Variants in PIWIL2 observed in about 807,000 individuals in gnomAD.
PIWIL2 encodes piwi like RNA-mediated gene silencing 2, also known as piwi-like protein 2.
PIWIL2 carries 81 observed loss-of-function variants against 116.5 expected under a neutral mutation model. The ratio of observed to expected loss-of-function variants is 0.70; its 90% confidence interval spans 0.58 to 0.84. The LOEUF (loss-of-function observed/expected upper bound fraction) is 0.84, where lower values mean the gene tolerates loss of function less well. Ranked by LOEUF, PIWIL2 falls within the 40% of genes least tolerant of loss-of-function variation. The pLI is 0.00. For missense variants in PIWIL2, 1,272 were observed against 1,212.3 expected (o/e 1.05, Z -0.73); for synonymous variants, 489 against 429.5 (o/e 1.14, Z -1.71).
Position 22,354,366 on chromosome 8 carries a change from A to T in PIWIL2, c.2753A>T (p.Asp918Val), listed in dbSNP as rs1832443269. The change falls in exon 22 of 23, where the codon GAT (aspartate) becomes GTT (valine). Residue 918 changes from aspartate to valine, a missense_variant. Asp to Val is a radical substitution (Grantham distance 152). Coordinates refer to ENST00000356766, the MANE Select transcript of PIWIL2 (RefSeq NM_018068.5). ...CVLNTANLSP[D>V]HMQRLTFKLC... ...CTCAACACCGCAAACCTGAGCCCTG[A>T]TCATATGCAGAGGTGGGCCCATCAG... The T allele has an allele frequency of 6.2e-7, 1 of 1,607,412 alleles. No individual in the cohort carries two copies. The highest frequency in any genetic ancestry group is 8.5e-7 in the Non-Finnish European group (1 of 1,174,006).
At chr8:22,355,294 G>T in intron 22 of PIWIL2, 55 bp from the exon 23 acceptor site, 4 of 1,577,918 alleles carry the variant, frequency 2.5e-6, no homozygotes, top group Non-Finnish European at 2.6e-6. Flanking sequence ...TGTATTGCAT[G>T]CCACAAATTG....
chr8:22,287,986 T>C (rs1830667997), intron 7 of PIWIL2, among the ~76,000 whole-genome samples: 1 of 152,070 alleles, frequency 6.6e-6, no homozygotes, highest in African/African-American at 2.4e-5. Context: ...GTGACCTCAG[T>C]GATAAAGAGT....
chr8:22,286,545 CT>C (rs947246644), intron 6 of PIWIL2, among the ~76,000 whole-genome samples: 1 of 152,134 alleles, frequency 6.6e-6, no homozygotes, highest in African/African-American at 2.4e-5. Flanking sequence ...AATCCCAGCA[CT>C]TAGGGAGGCC....
chr8:22,306,131 C>G (rs1216822438), intron 13 of PIWIL2, 115 bp downstream of exon 13: 1 of 708,404 alleles, frequency 1.4e-6, no homozygotes, highest in Non-Finnish European at 2.5e-6. Flanking sequence ...TGCATTGTAA[C>G]CTGGGCCTGT....
At chr8:22,297,479 A>AT (rs892474028) in intron 10 of PIWIL2, among the ~76,000 whole-genome samples, 9 of 151,098 alleles carry the variant, frequency 6.0e-5, no homozygotes, top group South Asian at 2.1e-4. Context: ...TATCTTTTTA[A>AT]TTTTTTTTTA....
At chr8:22,304,739 T>C (rs759257980) in intron 11 of PIWIL2, 45 bp from the exon 12 acceptor site, 13 of 1,090,142 alleles carry the variant, frequency 1.2e-5, no homozygotes, top group African/African-American at 6.2e-5. Flanking sequence ...TCTAAGAGTA[T>C]TGATGCTGCT....
chr8:22,296,012 C>T (rs914473584), intron 10 of PIWIL2, among the ~76,000 whole-genome samples: 17 of 136,630 alleles, frequency 1.2e-4, no homozygotes, highest in African/African-American at 3.8e-4. Flanking sequence ...TGGGGTTCCT[C>T]TTCCCTTCTT....
chr8:22,292,113 A>G (rs1830780972), intron 10 of PIWIL2, among the ~76,000 whole-genome samples: 1 of 152,204 alleles, frequency 6.6e-6, no homozygotes, highest in African/African-American at 2.4e-5. Context: ...GTGCAGGCAC[A>G]TGCAGGGTGG....
intron 20 of PIWIL2, among the ~76,000 whole-genome samples, chr8:22,319,328 A>G (rs1289454738): frequency 6.6e-6 from 1 of 152,140 alleles, no homozygotes; most frequent in African/African-American, 2.4e-5. Flanking sequence ...TGTCTCCAGC[A>G]AGGTCCATAT....
intron 10 of PIWIL2, among the ~76,000 whole-genome samples, chr8:22,297,017 C>G (rs948509826): frequency 3.3e-5 from 5 of 151,084 alleles, no homozygotes; most frequent in Non-Finnish European, 5.9e-5. Context: ...TTGATGGAAT[C>G]TCACTTGGTT....
chr8:22,310,158 CT>C (rs753907951), intron 15 of PIWIL2, 84 bp downstream of exon 15: 45 of 722,494 alleles, frequency 6.2e-5, no homozygotes, highest in Non-Finnish European at 1.0e-4. Context: ...CTAGAGTCTT[CT>C]TTTTTGAGGG....
chr8:22,337,830 C>T (rs144486732), intron 20 of PIWIL2, among the ~76,000 whole-genome samples: 104 of 152,214 alleles, frequency 6.8e-4, no homozygotes, highest in Middle Eastern at 6.8e-3. Context: ...CGCAGTGACT[C>T]GCACCTGTAA....
intron 20 of PIWIL2, among the ~76,000 whole-genome samples, chr8:22,334,514 C>A (rs1374185633): frequency 6.6e-5 from 7 of 105,884 alleles, no homozygotes; most frequent in Non-Finnish European, 1.1e-4. Context: ...AGTGAGAGTC[C>A]GTCTCAAAAA....
Position 22,301,106 on chromosome 8 carries a change from A to ATGCCT in PIWIL2, c.1182-2915_1182-2914insTGCCT, listed in dbSNP as rs1831036788. ...GCAGTCCTCTCACCTCACCCTCCTG[A>ATGCCT]GTAGCTGTGACTACAGGCATGCACC... On this transcript the variant is annotated intron_variant, in intron 10 of 22. Coordinates refer to ENST00000356766, the MANE Select transcript of PIWIL2 (RefSeq NM_018068.5). 2.6e-5 allele frequency among the ~76,000 whole-genome samples: 4 copies of ATGCCT among 151,876 alleles called. No homozygotes were observed. The South Asian group carries it at 8.4e-4, about 32-fold the overall frequency.
chr8:22,331,437 G>A (rs904883897), intron 20 of PIWIL2, among the ~76,000 whole-genome samples: 7 of 151,244 alleles, frequency 4.6e-5, no homozygotes, highest in South Asian at 2.1e-4. Context: ...AGCCATGATC[G>A]CATTACTGCA....
intron 20 of PIWIL2, among the ~76,000 whole-genome samples, chr8:22,332,986 G>C (rs1445269788): frequency 6.6e-6 from 1 of 151,878 alleles, no homozygotes; most frequent in Non-Finnish European, 1.5e-5. Context: ...CTATATATTT[G>C]TCTGTGCATA....
intron 20 of PIWIL2, among the ~76,000 whole-genome samples, chr8:22,334,911 T>C (rs1831944892): frequency 6.6e-6 from 1 of 151,420 alleles, no homozygotes; most frequent in Non-Finnish European, 1.5e-5. Flanking sequence ...AAAAATTAGG[T>C]GGGCGTGGTG....
chr8:22,330,913 G>A (rs1035989025), intron 20 of PIWIL2, among the ~76,000 whole-genome samples: 10 of 151,892 alleles, frequency 6.6e-5, no homozygotes, highest in Non-Finnish European at 1.2e-4. Flanking sequence ...GGTGGCTCAC[G>A]CCTGTAATCC....
At chr8:22,327,488 C>T (rs1005592238) in intron 20 of PIWIL2, among the ~76,000 whole-genome samples, 11 of 151,248 alleles carry the variant, frequency 7.3e-5, no homozygotes, top group African/African-American at 2.4e-4. Context: ...CTGCGTCAGC[C>T]TCCTGAGTAG....
Sources: gnomAD v4.1 joint callset for allele counts (sites outside exome capture counted in the v4.1 genomes callset) on GRCh38, gnomAD v4.1.1 for gene constraint, MANE v1.5 for transcripts, NCBI Gene and HGNC (gene_info 2026-07-23, HGNC 2026-07-21) for gene names.